DPYD: variants seen among roughly 807,000 people sequenced by gnomAD.
The protein encoded by DPYD is dihydropyrimidine dehydrogenase [NADP(+)].
A neutral mutation model predicts 116.2 loss-of-function variants in DPYD; 109 were observed. The observed-to-expected ratio is 0.94, with a 90% CI of 0.80 to 1.10. The LOEUF (loss-of-function observed/expected upper bound fraction) is 1.10, where lower values mean the gene tolerates loss of function less well. Among genes scored for constraint, DPYD ranks in the 50% least tolerant of loss-of-function variants. DPYD has a pLI of 0.00. For synonymous variants in DPYD, 440 were observed against 432.0 expected, an observed-to-expected ratio of 1.02 and a Z score of -0.23; for missense variants, 1,302 against 1,254.5, an observed-to-expected ratio of 1.04 and a Z score of -0.57.
rs559204378 is a variant in DPYD, at chr1:97,908,138, C to T, written c.39+12746G>A. 1.1e-4 allele frequency among the ~76,000 whole-genome samples: 17 copies of T among 152,058 alleles called. No individual in the cohort carries two copies. The East Asian group carries it at 3.1e-3, about 28-fold the overall frequency. ...ATGGCTTACTGCAGCTTCCATCTCTCAGGCTCAAGCAATCCTCCCGCCTCA... is the reference window on the plus strand; with the variant it reads ...ATGGCTTACTGCAGCTTCCATCTCTTAGGCTCAAGCAATCCTCCCGCCTCA... On this transcript the variant is annotated intron_variant, in intron 1 of 22. Transcript: ENST00000370192.
chr1:97,129,069 C>CT (rs532541559), intron 20 of DPYD, among the ~76,000 whole-genome samples: 7,944 of 134,936 alleles, frequency 0.059, 433 homozygotes, highest in African/African-American at 0.15. Context: ...CTGCTGTATT[C>CT]TTTTTTTTTT....
At chr1:97,387,938 G>T (rs1230887406) in intron 14 of DPYD, among the ~76,000 whole-genome samples, 1 of 152,032 alleles carries the variant, frequency 6.6e-6, no homozygotes, top group Non-Finnish European at 1.5e-5. Flanking sequence ...TTAAAGGAGG[G>T]TGATAAAATA....
intron 1 of DPYD, among the ~76,000 whole-genome samples, chr1:97,885,671 A>G (rs1184483581): frequency 6.6e-6 from 1 of 152,066 alleles, no homozygotes; most frequent in African/African-American, 2.4e-5. Context: ...TACTCTCTCA[A>G]TACTTAGGAT....
intron 2 of DPYD, among the ~76,000 whole-genome samples, chr1:97,866,928 C>T (rs1262725801): frequency 6.6e-6 from 1 of 151,814 alleles, no homozygotes; most frequent in African/African-American, 2.4e-5. Flanking sequence ...GGAAAACAAG[C>T]AGCAGGAGAT....
intron 8 of DPYD, among the ~76,000 whole-genome samples, chr1:97,658,207 C>A (rs1207807201): frequency 6.6e-6 from 1 of 152,094 alleles, no homozygotes. Flanking sequence ...AATTAGTCTT[C>A]TCTGCATATC....
chr1:97,564,806 A>G (rs1241317520), intron 11 of DPYD, among the ~76,000 whole-genome samples: 1 of 152,138 alleles, frequency 6.6e-6, no homozygotes, highest in Non-Finnish European at 1.5e-5. Flanking sequence ...AGTCACGGTA[A>G]CTACTGAAAA....
At chr1:97,845,922 TGTA>T (rs2101549088) in intron 2 of DPYD, among the ~76,000 whole-genome samples, 2 of 152,318 alleles carry the variant, frequency 1.3e-5, no homozygotes, top group East Asian at 3.9e-4. Flanking sequence ...AGCCGGGACC[TGTA>T]CCAGTGCCTG....
chr1:97,342,401 GTTATTA>G (rs1462858057), intron 16 of DPYD, among the ~76,000 whole-genome samples: 2 of 152,174 alleles, frequency 1.3e-5, no homozygotes, highest in African/African-American at 4.8e-5. Context: ...TTGGAAACCT[GTTATTA>G]TTATAAGGAT....
intron 4 of DPYD, among the ~76,000 whole-genome samples, chr1:97,728,239 G>T (rs1663379239): frequency 6.6e-6 from 1 of 151,932 alleles, no homozygotes; most frequent in Non-Finnish European, 1.5e-5. Flanking sequence ...AATGTTCTTT[G>T]GCCCACTAAT....
intron 2 of DPYD, among the ~76,000 whole-genome samples, chr1:97,838,540 T>A (rs1484545743): frequency 1.3e-5 from 2 of 152,184 alleles, no homozygotes; most frequent in Non-Finnish European, 2.9e-5. Flanking sequence ...GAAACAGTCA[T>A]GTAACTTAAA....
intron 3 of DPYD, among the ~76,000 whole-genome samples, chr1:97,799,825 G>A (rs1457786185): frequency 6.6e-6 from 1 of 151,920 alleles, no homozygotes; most frequent in Non-Finnish European, 1.5e-5. Flanking sequence ...GTAGCAGGGG[G>A]AAAGAAAGTT....
chr1:97,612,576 C>A lies in DPYD; in HGVS notation c.851-17410G>T, dbSNP rs562119694. ...CATTATTATCTCTGCAGTTAATATG[C>A]ACCTCACTGAAAATCTCATGGATGC... On this transcript the variant is annotated intron_variant, in intron 8 of 22. Coordinates refer to ENST00000370192, the MANE Select transcript of DPYD (RefSeq NM_000110.4). Among the ~76,000 whole-genome samples, 13 of 152,060 alleles carry A rather than the reference C, an allele frequency of 8.5e-5. No homozygotes were observed. The South Asian group carries it at 2.7e-3, about 32-fold the overall frequency.
chr1:97,177,705 C>T (rs1657389074), intron 20 of DPYD, among the ~76,000 whole-genome samples: 1 of 152,032 alleles, frequency 6.6e-6, no homozygotes, highest in African/African-American at 2.4e-5. Flanking sequence ...GGTGCACACT[C>T]TTCTTGGTTC....
intron 20 of DPYD, among the ~76,000 whole-genome samples, chr1:97,124,430 T>C (rs533046115): frequency 6.6e-6 from 1 of 152,230 alleles, no homozygotes; most frequent in Non-Finnish European, 1.5e-5. Flanking sequence ...TTTAAAAACA[T>C]GGAGAGCTAC....
At chr1:97,444,968 A>G (rs929684573) in intron 14 of DPYD, among the ~76,000 whole-genome samples, 3 of 152,158 alleles carry the variant, frequency 2.0e-5, no homozygotes, top group Non-Finnish European at 4.4e-5. Context: ...TAAGATACCA[A>G]ATTATAAAGG....
chr1:97,884,238 A>G (rs1002130546), intron 1 of DPYD, among the ~76,000 whole-genome samples: 1 of 152,082 alleles, frequency 6.6e-6, no homozygotes, highest in Admixed American at 6.6e-5. Context: ...AGAAAAACAA[A>G]TAAATATAAT....
chr1:97,540,359 G>GAACAA (rs775739257), intron 12 of DPYD, among the ~76,000 whole-genome samples: 2,715 of 142,752 alleles, frequency 0.019, 44 homozygotes, highest in Middle Eastern at 0.025. Context: ...GCGGGGCAGG[G>GAACAA]AACAAAACAA....
chr1:97,717,022 C>G (rs761727103), intron 5 of DPYD, among the ~76,000 whole-genome samples: 3 of 151,758 alleles, frequency 2.0e-5, no homozygotes, highest in Non-Finnish European at 4.4e-5. Flanking sequence ...GTGTAATGAT[C>G]AAGTCAGGGT....
chr1:97,193,578 C>A (rs1456282325), intron 19 of DPYD, among the ~76,000 whole-genome samples: 2 of 152,156 alleles, frequency 1.3e-5, no homozygotes, highest in African/African-American at 4.8e-5. Flanking sequence ...TTTGGCACAA[C>A]ATAATAAAGG....
Sources: allele counts gnomAD v4.1 joint callset (sites outside exome capture counted in the v4.1 genomes callset), GRCh38; gene constraint gnomAD v4.1.1; transcripts MANE v1.5; gene names NCBI Gene and HGNC (gene_info 2026-07-23, HGNC 2026-07-21).